FRMD4B: variants seen among roughly 807,000 people sequenced by gnomAD.
FRMD4B encodes FERM domain containing 4B, also known as FERM domain-containing protein 4B.
In FRMD4B, 74 loss-of-function variants were observed where a neutral mutation model predicts 141.5. The ratio of observed to expected loss-of-function variants is 0.52; its 90% CI spans 0.43 to 0.63. FRMD4B has a LOEUF of 0.63. Ranked by LOEUF, FRMD4B falls within the 30% of genes least tolerant of loss-of-function variation. FRMD4B has a pLI of 0.00. For synonymous variants in FRMD4B, 506 were observed against 467.9 expected, an observed-to-expected ratio of 1.08 and a Z score of -1.05; for missense variants, 1,366 against 1,253.4, an observed-to-expected ratio of 1.09 and a Z score of -1.36.
At chr3:69,357,233 T>C (rs898306369) in intron 1 of FRMD4B, among the ~76,000 whole-genome samples, 5 of 152,172 alleles carry the variant, frequency 3.3e-5, no homozygotes, top group Admixed American at 2.0e-4. Flanking sequence ...CCCAGATAAC[T>C]GGCATTCAAA....
intron 5 of FRMD4B, among the ~76,000 whole-genome samples, chr3:69,282,857 G>A (rs947120085): frequency 2.6e-5 from 4 of 151,884 alleles, no homozygotes; most frequent in African/African-American, 4.8e-5. Flanking sequence ...GGCTGGTCAC[G>A]AACTCCTGAC....
At chr3:69,474,045 T>C (rs764067291) in intron 1 of FRMD4B, among the ~76,000 whole-genome samples, 122 of 152,158 alleles carry the variant, frequency 8.0e-4, no homozygotes, top group Admixed American at 2.7e-3. Context: ...TCATCCAAGT[T>C]CTCTTCTAAA....
At chr3:69,295,108 T>C (rs1252751096) in intron 4 of FRMD4B, among the ~76,000 whole-genome samples, 1 of 152,176 alleles carries the variant, frequency 6.6e-6, no homozygotes, top group Non-Finnish European at 1.5e-5. Context: ...TTAGCACTTG[T>C]AATCCTCCAA....
chr3:69,446,320 C>G (rs1339620036), intron 1 of FRMD4B, among the ~76,000 whole-genome samples: 1 of 150,622 alleles, frequency 6.6e-6, no homozygotes, highest in Admixed American at 6.6e-5. Flanking sequence ...GCCACCGTGA[C>G]TAGCCTACAA....
At chr3:69,225,621 G>A (rs1175267398) in intron 7 of FRMD4B, among the ~76,000 whole-genome samples, 1 of 140,802 alleles carries the variant, frequency 7.1e-6, no homozygotes, top group East Asian at 2.1e-4. Context: ...CATGAACCTG[G>A]GAAGCGCAGC....
chr3:69,402,550 G>C lies in FRMD4B; in HGVS notation c.-1+30084C>G, dbSNP rs376959685. On this transcript the variant is annotated intron_variant, in intron 2 of 5. Coordinates refer to the FRMD4B transcript ENST00000459638. ...ACTGGACTGAAAGCTTTGAGAAGGG[G>C]AGGATGTTTTGTTTATCTTTGTATC... Among the ~76,000 whole-genome samples the C allele has an allele frequency of 6.6e-5, 10 of 152,270 alleles. No homozygotes were observed. The East Asian group carries it at 1.7e-3, about 26-fold the overall frequency.
At chr3:69,324,487 CATT>C (rs528433999) in intron 1 of FRMD4B, among the ~76,000 whole-genome samples, 87 of 152,198 alleles carry the variant, frequency 5.7e-4, no homozygotes, top group Non-Finnish European at 1.0e-3. Context: ...CCAGATAACT[CATT>C]ATTGCGGAGC....
At chr3:69,301,623 C>T (rs1424858435) in intron 4 of FRMD4B, among the ~76,000 whole-genome samples, 2 of 152,180 alleles carry the variant, frequency 1.3e-5, no homozygotes, top group Admixed American at 6.5e-5. Flanking sequence ...AGCCACTGTG[C>T]CTGGCCGGTA....
intron 2 of FRMD4B, among the ~76,000 whole-genome samples, chr3:69,402,174 C>T (rs1298258692): frequency 1.3e-5 from 2 of 152,188 alleles, no homozygotes; most frequent in African/African-American, 2.4e-5. Flanking sequence ...CCCATCCTCC[C>T]TGTCAAGTGA....
Position 69,181,708 on chromosome 3 carries a change from G to A in FRMD4B, c.2042C>T (p.Pro681Leu), listed in dbSNP as rs747229195. Reference protein sequence around the residue: ...RNAYSSSHLEPESSSQHCRQR... With the variant: ...RNAYSSSHLELESSSQHCRQR... ...GCGGCAGTGCTGAGATGAAGATTCGGGTCTGAAAGAGGAGAAAGGCAAACT... is the reference window on the plus strand; with the variant it reads ...GCGGCAGTGCTGAGATGAAGATTCGAGTCTGAAAGAGGAGAAAGGCAAACT... Residue 681 changes from proline (P) to leucine (L), a missense_variant and splice_region_variant, in exon 21 of 23, where the codon CCC (proline) becomes CTC (leucine). Physicochemically the swap from Pro to Leu is moderately conservative, Grantham distance 98. Transcript: ENST00000398540. The A allele has an allele frequency of 3.1e-6, 5 of 1,602,608 alleles. No homozygotes were observed. Among genetic ancestry groups the A allele is most frequent in the Non-Finnish European group, 3.4e-6 (4 of 1,173,494 alleles).
At chr3:69,427,970 T>C (rs1027316187) in intron 2 of FRMD4B, among the ~76,000 whole-genome samples, 1 of 152,126 alleles carries the variant, frequency 6.6e-6, no homozygotes, top group Non-Finnish European at 1.5e-5. Context: ...AGAAGCTAGG[T>C]AAATGTTAAA....
intron 2 of FRMD4B, among the ~76,000 whole-genome samples, chr3:69,391,714 C>A (rs1245357382): frequency 6.6e-6 from 1 of 152,196 alleles, no homozygotes; most frequent in Non-Finnish European, 1.5e-5. Context: ...TCTCAGCTCA[C>A]TTTTCTCTAT....
At chr3:69,242,209 G>A (rs2093389688) in intron 7 of FRMD4B, among the ~76,000 whole-genome samples, 1 of 152,116 alleles carries the variant, frequency 6.6e-6, no homozygotes, top group Non-Finnish European at 1.5e-5. Flanking sequence ...TTGAACCCAG[G>A]CAGTTAAATT....
chr3:69,276,513 A>T (rs1416918847), intron 5 of FRMD4B, among the ~76,000 whole-genome samples: 1 of 152,108 alleles, frequency 6.6e-6, no homozygotes, highest in Non-Finnish European at 1.5e-5. Flanking sequence ...GGCTCAAGCA[A>T]TCCACCTGTC....
At chr3:69,456,918 C>T (rs1022097124) in intron 1 of FRMD4B, among the ~76,000 whole-genome samples, 5 of 152,234 alleles carry the variant, frequency 3.3e-5, no homozygotes, top group African/African-American at 1.2e-4. Flanking sequence ...GCAACACAGT[C>T]CATGTTGCCC....
At chr3:69,332,959 A>G (rs938541484) in intron 1 of FRMD4B, among the ~76,000 whole-genome samples, 2 of 152,134 alleles carry the variant, frequency 1.3e-5, no homozygotes, top group African/African-American at 4.8e-5. Context: ...GTTAAAAAAT[A>G]TCAAGCTAAA....
intron 21 of FRMD4B, among the ~76,000 whole-genome samples, chr3:69,177,505 C>T (rs1483732561): frequency 6.6e-6 from 1 of 151,980 alleles, no homozygotes; most frequent in East Asian, 1.9e-4. Context: ...CAAAAATTAG[C>T]CTGGCATGGT....
At chr3:69,435,552 C>T (rs1309513417) in intron 1 of FRMD4B, among the ~76,000 whole-genome samples, 1 of 152,148 alleles carries the variant, frequency 6.6e-6, no homozygotes, top group East Asian at 1.9e-4. Flanking sequence ...GCTACAACTG[C>T]AGAGTTGAAT....
At chr3:69,327,441 C>T (rs775272999) in intron 1 of FRMD4B, among the ~76,000 whole-genome samples, 3 of 152,262 alleles carry the variant, frequency 2.0e-5, no homozygotes, top group Non-Finnish European at 4.4e-5. Context: ...TCACATACAT[C>T]GTCCTGAGAA....
Sources: allele counts gnomAD v4.1 joint callset (sites outside exome capture counted in the v4.1 genomes callset), GRCh38; gene constraint gnomAD v4.1.1; transcripts MANE v1.5; gene names NCBI Gene and HGNC (gene_info 2026-07-23, HGNC 2026-07-21).